The following PDE10A variants were observed in gnomAD, a reference collection of about 807,000 sequenced individuals.
The protein encoded by PDE10A is phosphodiesterase 10A, also known as cAMP and cAMP-inhibited cGMP 3',5'-cyclic phosphodiesterase 10A.
In PDE10A, 39 loss-of-function variants were observed where a neutral mutation model predicts 97.7. The observed-to-expected ratio is 0.40, with a 90% CI of 0.31 to 0.52. PDE10A has a LOEUF of 0.52. Ranked by LOEUF, PDE10A falls within the 20% of genes least tolerant of loss-of-function variation. The pLI is 0.56. For missense variants in PDE10A, 731 were observed against 1,047.8 expected (o/e 0.70, Z 4.17); for synonymous variants, 371 against 376.8 (o/e 0.98, Z 0.18).
At chr6:165,372,003 A>C (rs1421993353) in intron 18 of PDE10A, among the ~76,000 whole-genome samples, 1 of 150,544 alleles carries the variant, frequency 6.6e-6, no homozygotes, top group Non-Finnish European at 1.5e-5. Context: ...TAGCTGCAGA[A>C]AAGGCCTTTG....
At chr6:165,826,299 C>CCTTT (rs71029566) in intron 1 of PDE10A, among the ~76,000 whole-genome samples, 30,276 of 94,110 alleles carry the variant, frequency 0.32, 3,553 homozygotes, top group Admixed American at 0.4. Flanking sequence ...TCCCCATGTC[C>CCTTT]GTCTTCATGT....
intron 1 of PDE10A, among the ~76,000 whole-genome samples, chr6:165,823,913 G>T (rs1356762356): frequency 2.6e-5 from 4 of 152,114 alleles, no homozygotes; most frequent in African/African-American, 4.8e-5. Context: ...CTTTAAGTAT[G>T]TATGCATTTC....
chr6:165,862,309 A>G (rs1396163511), intron 1 of PDE10A, among the ~76,000 whole-genome samples: 1 of 152,154 alleles, frequency 6.6e-6, no homozygotes, highest in Admixed American at 6.5e-5. Flanking sequence ...GAAACCAGGG[A>G]AGGTTTCATG....
At chr6:165,964,127 T>C (rs76008717) in intron 1 of PDE10A, among the ~76,000 whole-genome samples, 11,407 of 152,232 alleles carry the variant, frequency 0.075, 522 homozygotes, top group South Asian at 0.12. Flanking sequence ...CTATACACTC[T>C]CCCTATAATA....
chr6:165,447,700 A>G (rs1333576968), intron 5 of PDE10A, among the ~76,000 whole-genome samples: 1 of 152,220 alleles, frequency 6.6e-6, no homozygotes, highest in Admixed American at 6.5e-5. Context: ...GAATACTACC[A>G]GTGTCTGAAA....
At chr6:165,571,592 T>C (rs1785052582) in intron 1 of PDE10A, among the ~76,000 whole-genome samples, 1 of 152,234 alleles carries the variant, frequency 6.6e-6, no homozygotes, top group South Asian at 2.1e-4. Flanking sequence ...CTCTCATTTG[T>C]GACCTCAGCC....
At chr6:165,843,751 G>A (rs1319646262) in intron 1 of PDE10A, among the ~76,000 whole-genome samples, 2 of 152,174 alleles carry the variant, frequency 1.3e-5, no homozygotes, top group South Asian at 2.1e-4. Flanking sequence ...ATGTTGGCGC[G>A]ACAGGTGCAG....
chr6:165,337,549 C>T lies in PDE10A; in HGVS notation c.2977-1338G>A, dbSNP rs571417414. Among the ~76,000 whole-genome samples, 303 of 152,218 alleles carry T rather than the reference C, an allele frequency of 2.0e-3. 1 individual carries two copies. The highest frequency in any genetic ancestry group is 7.0e-3 in the African/African-American group (291 of 41,520). ...AATATTTAACAGATGTCATGGGGCA[C>T]AAGATCCCAGAAAAGATACTAATAT... is the stretch of plus-strand genomic sequence containing the variant. On this transcript the variant is annotated intron_variant, in intron 20 of 21. Transcript: ENST00000539869.
At chr6:165,455,640 C>T (rs1295340989) in intron 3 of PDE10A, among the ~76,000 whole-genome samples, 2 of 152,224 alleles carry the variant, frequency 1.3e-5, no homozygotes, top group Non-Finnish European at 2.9e-5. Context: ...GCACTGAGAG[C>T]CTCGGCTGTA....
chr6:165,786,915 A>G (rs985299986), intron 1 of PDE10A, among the ~76,000 whole-genome samples: 2 of 152,228 alleles, frequency 1.3e-5, no homozygotes, highest in Non-Finnish European at 2.9e-5. Context: ...ATATAACAAT[A>G]ATGGCAACTA....
At chr6:165,773,844 T>C (rs1272093486) in intron 1 of PDE10A, among the ~76,000 whole-genome samples, 3 of 152,132 alleles carry the variant, frequency 2.0e-5, no homozygotes, top group Admixed American at 6.5e-5. Context: ...CCTTAGGGTG[T>C]CATTTACAAT....
chr6:165,395,644 A>G (rs185151880), intron 14 of PDE10A, among the ~76,000 whole-genome samples: 49 of 152,338 alleles, frequency 3.2e-4, no homozygotes, highest in African/African-American at 1.2e-3. Context: ...TCTATCTCCT[A>G]TTTTAACTGA....
At chr6:165,860,470 A>AAAAC (rs1326307166) in intron 1 of PDE10A, among the ~76,000 whole-genome samples, 2 of 152,116 alleles carry the variant, frequency 1.3e-5, no homozygotes, top group Non-Finnish European at 2.9e-5. Flanking sequence ...AAAACAAAAC[A>AAAAC]AAACAAACAA....
At chr6:165,782,206 T>C (rs1778359172) in intron 1 of PDE10A, among the ~76,000 whole-genome samples, 1 of 152,264 alleles carries the variant, frequency 6.6e-6, no homozygotes. Flanking sequence ...GACGAAGTCA[T>C]GTGAACTGCT....
chr6:165,981,829 A>G (rs1226839291), intron 1 of PDE10A, among the ~76,000 whole-genome samples: 1 of 151,556 alleles, frequency 6.6e-6, no homozygotes, highest in Non-Finnish European at 1.5e-5. Context: ...GATGTAAATC[A>G]CCCTTTGAGA....
chr6:165,984,632 C>T (rs1475803682), intron 1 of PDE10A, among the ~76,000 whole-genome samples: 9 of 152,162 alleles, frequency 5.9e-5, no homozygotes, highest in Non-Finnish European at 1.2e-4. Flanking sequence ...TGAATTATTT[C>T]CCCCAAAGAT....
At chr6:165,959,192 G>A (rs950765318) in intron 1 of PDE10A, among the ~76,000 whole-genome samples, 2 of 152,204 alleles carry the variant, frequency 1.3e-5, no homozygotes, top group South Asian at 4.2e-4. Context: ...TCCTGTGGAT[G>A]TGGAAGCCAA....
At chr6:165,613,424 G>C (rs1377427005) in intron 1 of PDE10A, among the ~76,000 whole-genome samples, 3 of 152,116 alleles carry the variant, frequency 2.0e-5, no homozygotes, top group African/African-American at 4.8e-5. Context: ...CAGATTGCTT[G>C]AGCTCAGAAG....
At chr6:165,440,713 T>A (rs999886169) in intron 5 of PDE10A, among the ~76,000 whole-genome samples, 6 of 152,196 alleles carry the variant, frequency 3.9e-5, no homozygotes, top group Non-Finnish European at 7.3e-5. Context: ...AGTCATCTAG[T>A]TGCTCATGTT....
Sources: gnomAD v4.1 joint callset for allele counts (sites outside exome capture counted in the v4.1 genomes callset) on GRCh38, gnomAD v4.1.1 for gene constraint, MANE v1.5 for transcripts, NCBI Gene and HGNC (gene_info 2026-07-23, HGNC 2026-07-21) for gene names.